NOS1AP: variants seen among roughly 807,000 people sequenced by gnomAD.
The protein encoded by NOS1AP is carboxyl-terminal PDZ ligand of neuronal nitric oxide synthase protein.
Under a neutral mutation model 56.2 loss-of-function variants are expected in NOS1AP, and 21 were observed. The ratio of observed to expected loss-of-function variants is 0.37; its 90% CI spans 0.26 to 0.54. The LOEUF is 0.54. Among genes scored for constraint, NOS1AP ranks in the 20% least tolerant of loss-of-function variants. NOS1AP has a pLI of 0.84. For synonymous variants in NOS1AP, 270 were observed against 274.6 expected (o/e 0.98, Z 0.17); for missense variants, 522 against 657.8 (o/e 0.79, Z 2.26).
intron 2 of NOS1AP, among the ~76,000 whole-genome samples, chr1:162,266,198 C>A (rs144307528): frequency 0.01 from 1,568 of 152,236 alleles, 23 homozygotes; most frequent in African/African-American, 0.036. Flanking sequence ...TCTATGACCG[C>A]AGGAGAAGCA....
chr1:162,367,381 T>A lies in NOS1AP; in HGVS notation c.1435T>A (p.Trp479Arg). 1 of 1,608,928 alleles carries A rather than the reference T, an allele frequency of 6.2e-7. No homozygotes were observed. The highest frequency in any genetic ancestry group is 1.7e-4 in the Middle Eastern group (1 of 6,046). ...GGACGAGAGCGAGGAGCGCGACTCG[T>A]GGTCCCAGGAGGAGCTGCCGCGCCT... ...NTDESEERDSWSQEELPRLLN... is the reference protein window; with the variant it reads ...NTDESEERDSRSQEELPRLLN... The change falls in exon 10 of 10, where the codon TGG becomes AGG. Residue 479 changes from tryptophan to arginine, a missense_variant. Transcript: ENST00000361897. This position sits in a 1 kb window ranked among gnomAD's most constrained non-coding sequence, Gnocchi z 6.5.
chr1:162,225,450 G>A (rs927106083), intron 2 of NOS1AP, among the ~76,000 whole-genome samples: 1 of 152,160 alleles, frequency 6.6e-6, no homozygotes, highest in Admixed American at 6.5e-5. Context: ...TGTAAGATGG[G>A]TACAATAGTA....
intron 1 of NOS1AP, among the ~76,000 whole-genome samples, chr1:162,151,178 A>G (rs1352983511): frequency 6.6e-6 from 1 of 152,198 alleles, no homozygotes; most frequent in East Asian, 1.9e-4. Flanking sequence ...TCTTCTACAT[A>G]TGGATATCCA....
intron 1 of NOS1AP, among the ~76,000 whole-genome samples, chr1:162,151,020 T>C (rs1161384011): frequency 6.6e-6 from 1 of 152,258 alleles, no homozygotes; most frequent in Non-Finnish European, 1.5e-5. Context: ...GGGGTATTAC[T>C]CAAGAAATCT....
At chr1:162,347,239 C>G (rs1449889749) in intron 6 of NOS1AP, among the ~76,000 whole-genome samples, 1 of 152,158 alleles carries the variant, frequency 6.6e-6, no homozygotes, top group Non-Finnish European at 1.5e-5. Flanking sequence ...ATGCCCATGC[C>G]CCGTTGGTGG....
At chr1:162,320,172 C>T (rs997019021) in intron 4 of NOS1AP, among the ~76,000 whole-genome samples, 2 of 152,070 alleles carry the variant, frequency 1.3e-5, no homozygotes, top group East Asian at 1.9e-4. Flanking sequence ...GTAAGATGTG[C>T]GTATCTTAGA....
intron 1 of NOS1AP, among the ~76,000 whole-genome samples, chr1:162,138,511 C>G (rs1649098577): frequency 6.6e-6 from 1 of 152,196 alleles, no homozygotes; most frequent in Admixed American, 6.5e-5. Flanking sequence ...TTCCCCAGAT[C>G]CATCCTGGAT....
At chr1:162,171,179 G>T (rs1275090703) in intron 2 of NOS1AP, among the ~76,000 whole-genome samples, 2 of 152,132 alleles carry the variant, frequency 1.3e-5, no homozygotes, top group Admixed American at 1.3e-4. Flanking sequence ...TTTACCCAAA[G>T]GGATGGAGCG....
rs1658150673 is a variant in NOS1AP, at chr1:162,367,841, T to C, written c.*374T>C. 4.7e-6 allele frequency: 1 copy of C among 214,246 alleles called. No individual in the cohort carries two copies. Among genetic ancestry groups the C allele is most frequent in the Admixed American group, 5.2e-5 (1 of 19,098 alleles). The allele number at this position is 214,246 out of a possible 1,614,324, so 13.3% of individuals were successfully genotyped here. ...CCGTGATGCCCCCCTACCCCCTCAC[T>C]CTCCCCGTCTCCATGGTCCCGACCA... On this transcript the variant is annotated 3_prime_UTR_variant, in exon 10 of 10. Coordinates refer to ENST00000361897, the MANE Select transcript of NOS1AP (RefSeq NM_014697.3). The surrounding 1 kb of genome is among the most constrained non-coding windows in gnomAD (Gnocchi z 6.5).
At chr1:162,354,010 C>T (rs1657608021) in intron 6 of NOS1AP, among the ~76,000 whole-genome samples, 1 of 152,236 alleles carries the variant, frequency 6.6e-6, no homozygotes. Context: ...ACTGTCTCCT[C>T]AGCTCCTGGA....
intron 5 of NOS1AP, chr1:162,342,630 T>C (rs1299789694): frequency 2.0e-6 from 1 of 494,584 alleles, no homozygotes; most frequent in South Asian, 1.5e-5. Context: ...TTTTTATTAC[T>C]ACCTTCAACA....
chr1:162,284,783 AG>A (rs1232720350), intron 2 of NOS1AP, among the ~76,000 whole-genome samples: 1 of 152,252 alleles, frequency 6.6e-6, no homozygotes, highest in Non-Finnish European at 1.5e-5. Flanking sequence ...TACACAAGCA[AG>A]GAGCTGGCTG....
chr1:162,168,065 G>A (rs1412391003), intron 2 of NOS1AP, among the ~76,000 whole-genome samples: 2 of 151,514 alleles, frequency 1.3e-5, no homozygotes, highest in African/African-American at 2.4e-5. Flanking sequence ...TATAACAGGC[G>A]CTGTTCTAAG....
chr1:162,328,731 T>C (rs773865929), intron 4 of NOS1AP, among the ~76,000 whole-genome samples: 19 of 152,330 alleles, frequency 1.2e-4, no homozygotes, highest in Admixed American at 3.9e-4. Context: ...TCAGCCATTT[T>C]CCTCCACTGC....
chr1:162,149,423 G>A (rs1649615431), intron 1 of NOS1AP, among the ~76,000 whole-genome samples: 1 of 152,250 alleles, frequency 6.6e-6, no homozygotes, highest in African/African-American at 2.4e-5. Flanking sequence ...CAGCAAGTAT[G>A]TCTGGTCTTA....
chr1:162,248,037 C>A (rs894292920), intron 2 of NOS1AP, among the ~76,000 whole-genome samples: 3 of 151,978 alleles, frequency 2.0e-5, no homozygotes, highest in Non-Finnish European at 4.4e-5. Context: ...AATCCCAGCA[C>A]CTTGGGAGGC....
At chr1:162,304,482 AT>A (rs146916251) in intron 4 of NOS1AP, among the ~76,000 whole-genome samples, 3,989 of 152,288 alleles carry the variant, frequency 0.026, 71 homozygotes, top group Non-Finnish European at 0.041. Flanking sequence ...TTCAATTAGT[AT>A]TAGTATCGTA....
chr1:162,124,937 G>A (rs2102056431), intron 1 of NOS1AP, among the ~76,000 whole-genome samples: 1 of 152,260 alleles, frequency 6.6e-6, no homozygotes, highest in Admixed American at 6.5e-5. Context: ...GTGTCTTTTT[G>A]ATGTAGTGAC....
At chr1:162,201,606 G>A (rs1432213297) in intron 2 of NOS1AP, among the ~76,000 whole-genome samples, 1 of 152,152 alleles carries the variant, frequency 6.6e-6, no homozygotes, top group Non-Finnish European at 1.5e-5. Context: ...AACCTTGCCA[G>A]CATCTGTTAT....
Sources: allele counts gnomAD v4.1 joint callset (sites outside exome capture counted in the v4.1 genomes callset), GRCh38; gene constraint gnomAD v4.1.1; non-coding constraint Gnocchi (gnomAD v3.1); transcripts MANE v1.5; gene names NCBI Gene and HGNC (gene_info 2026-07-23, HGNC 2026-07-21).